The following MCM6 variants were observed in gnomAD, a reference collection of about 807,000 sequenced individuals.
The protein encoded by MCM6 is DNA replication licensing factor MCM6.
In MCM6, 46 loss-of-function variants were observed where a neutral mutation model predicts 94.3. That is an observed-to-expected ratio of 0.49 (90% CI 0.39 to 0.62). The LOEUF (loss-of-function observed/expected upper bound fraction) is 0.62, where lower values mean the gene tolerates loss of function less well. Ranked by LOEUF, MCM6 falls within the 20% of genes least tolerant of loss-of-function variation. The pLI is 0.00. For synonymous variants in MCM6, 335 were observed against 351.9 expected, an observed-to-expected ratio of 0.95 and a Z score of 0.54; for missense variants, 865 against 1,017.9, an observed-to-expected ratio of 0.85 and a Z score of 2.04.
chr2:135,841,937 T>C (rs1360476830), intron 16 of MCM6, among the ~76,000 whole-genome samples: 1 of 152,040 alleles, frequency 6.6e-6, no homozygotes, highest in Non-Finnish European at 1.5e-5. Context: ...AAACACCATC[T>C]CTACTAAAAA....
In MCM6 at chr2:135,857,938, T is replaced by C. The variant is rs1000228668; in HGVS notation, c.1429A>G (p.Met477Val). ...GTGATGGATATGGTCTGCTGTTCCA[T>C]AGCTTCATGAATAGCAACTTGATCC... ...VRDQVAIHEA[M>V]EQQTISITKA... The change falls in exon 10 of 17, where the codon ATG becomes GTG. Residue 477 changes from methionine to valine, a missense_variant. Transcript: ENST00000264156. The C allele has an allele frequency of 3.1e-6, 5 of 1,613,930 alleles. No homozygotes were observed. In the African/African-American group the frequency reaches 6.7e-5, roughly 22 times the overall value.
intron 1 of MCM6, among the ~76,000 whole-genome samples, chr2:135,873,127 C>G (rs1435643308): frequency 6.6e-6 from 1 of 152,132 alleles, no homozygotes; most frequent in Non-Finnish European, 1.5e-5. Context: ...GTAAGTCTCA[C>G]GAGATCTGAT....
intron 4 of MCM6, 31 bp from the exon 5 acceptor site, chr2:135,866,759 T>C (rs367967359): frequency 5.0e-5 from 77 of 1,550,048 alleles, no homozygotes; most frequent in Non-Finnish European, 6.3e-5. Context: ...CAACCAAGAA[T>C]GAGAAGCAAT....
intron 8 of MCM6, among the ~76,000 whole-genome samples, chr2:135,860,950 A>G (rs4988199): frequency 0.015 from 2,255 of 152,342 alleles, 55 homozygotes; most frequent in African/African-American, 0.052. Flanking sequence ...GATTTTATAC[A>G]TAGAAAATGC....
In MCM6 at chr2:135,865,846, C is replaced by T. The variant is rs375217664; in HGVS notation, c.927+286G>A. On this transcript the variant is annotated intron_variant, in intron 6 of 16. Coordinates refer to ENST00000264156, the MANE Select transcript of MCM6 (RefSeq NM_005915.6). ...CAGATGTTTCAGAATCCTATCATTT[C>T]GTGGCAGCTCAGGGTAGGTGTTTCT... Among the ~76,000 whole-genome samples the T allele has an allele frequency of 1.2e-4, 18 of 152,250 alleles. No homozygotes were observed. The East Asian group carries it at 3.1e-3, about 26-fold the overall frequency.
chr2:135,847,155 T>C (rs1342069991), intron 14 of MCM6, among the ~76,000 whole-genome samples: 2 of 152,044 alleles, frequency 1.3e-5, no homozygotes, highest in African/African-American at 4.8e-5. Flanking sequence ...GGATCAGAGA[T>C]ATAAAGATTT....
chr2:135,848,459 A>G (rs1679710304), intron 13 of MCM6, among the ~76,000 whole-genome samples: 1 of 152,236 alleles, frequency 6.6e-6, no homozygotes, highest in African/African-American at 2.4e-5. Context: ...AGCGGTGAAA[A>G]CAGAAATTGA....
chr2:135,849,517 A>T (rs190438917), intron 13 of MCM6, among the ~76,000 whole-genome samples: 93 of 152,326 alleles, frequency 6.1e-4, no homozygotes, highest in African/African-American at 2.0e-3. Context: ...TTATACTGAT[A>T]AAAAAATACC....
At chr2:135,854,709 CA>C (rs753723093) in intron 11 of MCM6, among the ~76,000 whole-genome samples, 13 of 151,146 alleles carry the variant, frequency 8.6e-5, no homozygotes, top group Non-Finnish European at 1.9e-4. Flanking sequence ...CCTGTTTCTA[CA>C]AAAAACTCAA....
At chr2:135,845,404 G>T (rs1322431760) in intron 15 of MCM6, among the ~76,000 whole-genome samples, 8 of 152,312 alleles carry the variant, frequency 5.3e-5, no homozygotes, top group African/African-American at 1.9e-4. Context: ...AGAACACCTT[G>T]AGTTCCCAAA....
intron 13 of MCM6, among the ~76,000 whole-genome samples, chr2:135,849,986 T>G (rs1462902706): frequency 2.6e-5 from 4 of 152,158 alleles, no homozygotes; most frequent in African/African-American, 9.7e-5. Context: ...TTTAATATCA[T>G]GTGAATCTGC....
At chr2:135,860,902 G>C (rs751103516) in intron 8 of MCM6, among the ~76,000 whole-genome samples, 8 of 152,100 alleles carry the variant, frequency 5.3e-5, no homozygotes, top group Non-Finnish European at 1.2e-4. Context: ...AAGAAAAAAA[G>C]GCAGCCAGAT....
intron 9 of MCM6, 85 bp from the exon 10 acceptor site, chr2:135,858,089 C>G: frequency 8.0e-7 from 1 of 1,250,058 alleles, no homozygotes; most frequent in Non-Finnish European, 1.2e-6. Context: ...CTTTGGGAGG[C>G]CAAGGCAGGA....
At chr2:135,854,429 C>G (rs1266292257) in intron 11 of MCM6, among the ~76,000 whole-genome samples, 1 of 143,328 alleles carries the variant, frequency 7.0e-6, no homozygotes. Context: ...ACTCAGGAGG[C>G]TGAGGCAGGA....
rs1251792569 is a variant in MCM6, at chr2:135,868,851, C to T, written c.375G>A (p.Glu125=). 2 of 1,613,812 alleles carry T rather than the reference C, an allele frequency of 1.2e-6. No homozygotes were observed. The highest frequency in any genetic ancestry group is 1.1e-5 in the South Asian group (1 of 91,072). The change falls in exon 4 of 17, where the codon GAG becomes GAA. Residue 125 remains glutamate, a synonymous_variant. Coordinates refer to ENST00000264156, the MANE Select transcript of MCM6 (RefSeq NM_005915.6). Reference sequence around the variant, plus strand: ...GCAAACCAATTCTGGATGAGGTGAGCTCTCGAATCCTGTTTAAAGACAAAT... The same window carrying T: ...GCAAACCAATTCTGGATGAGGTGAGTTCTCGAATCCTGTTTAAAGACAAAT... ...QDLPTRHKIR[E]LTSSRIGLLT...
At chr2:135,867,969 G>C (rs1680130506) in intron 4 of MCM6, among the ~76,000 whole-genome samples, 3 of 152,244 alleles carry the variant, frequency 2.0e-5, no homozygotes, top group South Asian at 4.1e-4. Context: ...GGAGCTTGCA[G>C]TGAGCCGAGA....
At chr2:135,846,760 T>A (rs1012355570) in intron 14 of MCM6, among the ~76,000 whole-genome samples, 1 of 152,128 alleles carries the variant, frequency 6.6e-6, no homozygotes, top group African/African-American at 2.4e-5. Flanking sequence ...TCCCAGCACT[T>A]TGCAAGGCCA....
Position 135,850,266 on chromosome 2 carries a change from T to C in MCM6, c.1917+1136A>G, listed in dbSNP as rs531317914. On this transcript the variant is annotated intron_variant, in intron 13 of 16. Transcript: ENST00000264156. ...AAAGTAATTCATCTCAGCACTCTGG[T>C]TGTGATGCTCTATTCTCCCTCTCGT... 3.3e-5 allele frequency among the ~76,000 whole-genome samples: 5 copies of C among 152,322 alleles called. No individual in the cohort carries two copies. In the East Asian group the frequency reaches 7.7e-4, roughly 23 times the overall value.
intron 4 of MCM6, among the ~76,000 whole-genome samples, chr2:135,868,291 C>T (rs570874386): frequency 4.6e-5 from 7 of 152,322 alleles, no homozygotes; most frequent in African/African-American, 1.7e-4. Context: ...AAATCTTACA[C>T]TAACAAGTTG....
Sources: gnomAD v4.1 joint callset for allele counts (sites outside exome capture counted in the v4.1 genomes callset) on GRCh38, gnomAD v4.1.1 for gene constraint, MANE v1.5 for transcripts, NCBI Gene and HGNC (gene_info 2026-07-23, HGNC 2026-07-21) for gene names.